The following NEBL variants were observed in gnomAD, a reference collection of about 807,000 sequenced individuals.
NEBL encodes the protein nebulette.
NEBL carries 122 observed loss-of-function variants against 140.2 expected under a neutral mutation model. That is an observed-to-expected ratio of 0.87 (90% CI 0.75 to 1.01). The LOEUF is 1.01. Ranked by LOEUF, NEBL falls within the 50% of genes least tolerant of loss-of-function variation. The probability of loss-of-function intolerance (pLI) is 0.00; values close to 1 mark genes in which losing one functional copy is unlikely to be tolerated. For missense variants in NEBL, 1,365 were observed against 1,231.3 expected (o/e 1.11, Z -1.62); for synonymous variants, 436 against 398.9 (o/e 1.09, Z -1.11).
intron 4 of NEBL, among the ~76,000 whole-genome samples, chr10:20,907,057 A>C (rs1344307884): frequency 6.6e-6 from 1 of 152,156 alleles, no homozygotes; most frequent in Non-Finnish European, 1.5e-5. Flanking sequence ...GATAGTGGTG[A>C]CCATGTTGGA....
At chr10:20,902,250 C>CA (rs1847904891), upstream of NEBL, among the ~76,000 whole-genome samples, 2 of 151,884 alleles carry the variant, frequency 1.3e-5, no homozygotes, top group Admixed American at 1.3e-4. Flanking sequence ...AAACAAAATA[C>CA]AAAAAATTAG....
At chr10:20,815,321 A>C (rs1016351101) in intron 22 of NEBL, among the ~76,000 whole-genome samples, 12 of 152,208 alleles carry the variant, frequency 7.9e-5, no homozygotes, top group Non-Finnish European at 1.2e-4. Flanking sequence ...GCACACATCA[A>C]AGGCTTTACC....
chr10:20,898,969 A>T (rs1035131259), upstream of NEBL, among the ~76,000 whole-genome samples: 1 of 152,210 alleles, frequency 6.6e-6, no homozygotes, highest in African/African-American at 2.4e-5. Context: ...ATGGTATCAC[A>T]TATCCTGTTC....
chr10:21,094,543 G>A (rs1024168566), intron 2 of NEBL, among the ~76,000 whole-genome samples: 1 of 148,384 alleles, frequency 6.7e-6, no homozygotes. Flanking sequence ...TTAGCCAGAT[G>A]TGGTGGTGGA....
chr10:21,240,612 T>C (rs1256066771), intron 3 of NEBL, among the ~76,000 whole-genome samples: 1 of 152,070 alleles, frequency 6.6e-6, no homozygotes, highest in Non-Finnish European at 1.5e-5. Context: ...GAGCTACACA[T>C]TGTCACACAC....
intron 2 of NEBL, among the ~76,000 whole-genome samples, chr10:21,074,472 T>C (rs1835968778): frequency 6.8e-6 from 1 of 146,864 alleles, no homozygotes; most frequent in Non-Finnish European, 1.5e-5. Flanking sequence ...AACTTCTTTC[T>C]GAATTTTTTT....
At chr10:20,908,699 G>C (rs1228418050) in intron 4 of NEBL, among the ~76,000 whole-genome samples, 1 of 152,148 alleles carries the variant, frequency 6.6e-6, no homozygotes, top group Non-Finnish European at 1.5e-5. Context: ...GTCGGGAAGA[G>C]ATGAACACAC....
chr10:21,000,349 T>C (rs1837843619), intron 3 of NEBL, among the ~76,000 whole-genome samples: 3 of 152,002 alleles, frequency 2.0e-5, no homozygotes, highest in Admixed American at 6.6e-5. Context: ...GCTAGCTGGA[T>C]GGGGTGGTTT....
intron 3 of NEBL, among the ~76,000 whole-genome samples, chr10:20,977,474 G>A (rs1836852240): frequency 6.6e-6 from 1 of 152,154 alleles, no homozygotes; most frequent in Non-Finnish European, 1.5e-5. Context: ...CACTGAAACT[G>A]ATAACGGCTC....
intron 11 of NEBL, among the ~76,000 whole-genome samples, chr10:20,850,001 GA>G (rs965870624): frequency 3.8e-4 from 57 of 149,246 alleles, no homozygotes; most frequent in African/African-American, 1.1e-3. Flanking sequence ...TATTTTCATT[GA>G]AAAAAAAAGG....
intron 2 of NEBL, among the ~76,000 whole-genome samples, chr10:21,033,757 G>GAAAGA (rs1833896610): frequency 5.8e-5 from 8 of 138,380 alleles, no homozygotes; most frequent in Non-Finnish European, 1.3e-4. Context: ...AAAAAAAAAA[G>GAAAGA]AAAGAAAAGA....
chr10:21,209,823 G>A (rs1480677737), intron 3 of NEBL, among the ~76,000 whole-genome samples: 1 of 152,080 alleles, frequency 6.6e-6, no homozygotes, highest in Non-Finnish European at 1.5e-5. Context: ...TTGTTGCCCT[G>A]CTGGGGAAGG....
chr10:21,211,888 C>T (rs1281524554), intron 3 of NEBL, among the ~76,000 whole-genome samples: 1 of 152,130 alleles, frequency 6.6e-6, no homozygotes, highest in Non-Finnish European at 1.5e-5. Flanking sequence ...CTCACTCATG[C>T]TGAGGTCAGA....
intron 26 of NEBL, among the ~76,000 whole-genome samples, chr10:20,799,393 T>G (rs1052960413): frequency 1.3e-5 from 2 of 152,178 alleles, no homozygotes; most frequent in Admixed American, 6.5e-5. Context: ...TGGACTCTAG[T>G]GATCCACCCA....
upstream of NEBL, among the ~76,000 whole-genome samples, chr10:20,897,762 T>G (rs1486200285): frequency 6.6e-6 from 1 of 152,212 alleles, no homozygotes; most frequent in Non-Finnish European, 1.5e-5. Context: ...GACATACCAG[T>G]ACTTCTCACA....
intron 3 of NEBL, among the ~76,000 whole-genome samples, chr10:21,006,455 C>T (rs1029959148): frequency 4.6e-5 from 7 of 152,112 alleles, no homozygotes; most frequent in African/African-American, 1.7e-4. Flanking sequence ...GGCAGGGAGT[C>T]CATAATCTTT....
intron 4 of NEBL, among the ~76,000 whole-genome samples, chr10:20,928,526 A>G (rs1179306310): frequency 1.3e-5 from 2 of 152,200 alleles, no homozygotes; most frequent in African/African-American, 4.8e-5. Flanking sequence ...GAAAAGGAGA[A>G]GAAATAGCAG....
chr10:21,194,385 G>A (rs1378413553), intron 3 of NEBL, among the ~76,000 whole-genome samples: 1 of 152,056 alleles, frequency 6.6e-6, no homozygotes, highest in Non-Finnish European at 1.5e-5. Context: ...GATACCAAAA[G>A]CAAGCCACGT....
chr10:20,846,637 T>C (rs1481926264), intron 11 of NEBL, among the ~76,000 whole-genome samples: 1 of 152,162 alleles, frequency 6.6e-6, no homozygotes, highest in Non-Finnish European at 1.5e-5. Flanking sequence ...GTGGAATTAG[T>C]AGAGATAACA....
Sources: gnomAD v4.1 joint callset for allele counts (sites outside exome capture counted in the v4.1 genomes callset) on GRCh38, gnomAD v4.1.1 for gene constraint, MANE v1.5 for transcripts, NCBI Gene and HGNC (gene_info 2026-07-23, HGNC 2026-07-21) for gene names.